Variants in ZC3H4 observed in about 807,000 individuals in gnomAD.
ZC3H4 encodes the protein zinc finger CCCH-type containing 4.
A neutral mutation model predicts 108.3 loss-of-function variants in ZC3H4; 13 were observed. The observed-to-expected ratio is 0.12, with a 90% CI of 0.08 to 0.19. The LOEUF (loss-of-function observed/expected upper bound fraction) is 0.19. Among genes scored for constraint, ZC3H4 ranks in the 10% least tolerant of loss-of-function variants. The pLI is 1.00. For missense variants in ZC3H4, 1,734 were observed against 1,838.8 expected (o/e 0.94, Z 1.04); for synonymous variants, 917 against 749.6 (o/e 1.22, Z -3.65).
chr19:47,066,521 G>A lies in ZC3H4; in HGVS notation c.3747C>T (p.Asn1249=), dbSNP rs1401321322. ...EGAPPQPGVH[N]LPVPTLFGTV... ...TCCCGAAGAGGGTGGGCACGGGCAG[G>A]TTGTGCACCCCGGGCTGGGGTGGGG... The change falls in exon 15 of 15, where the codon AAC becomes AAT. Residue 1249 remains asparagine, a synonymous_variant. Coordinates refer to ENST00000253048, the MANE Select transcript of ZC3H4 (RefSeq NM_015168.2). The A allele has an allele frequency of 3.8e-6, 6 of 1,573,082 alleles. No homozygotes were observed. The highest frequency in any genetic ancestry group is 1.8e-5 in the Admixed American group (1 of 56,870).
At chr19:47,081,899 A>G (rs2057530446) in intron 10 of ZC3H4, among the ~76,000 whole-genome samples, 2 of 152,184 alleles carry the variant, frequency 1.3e-5, no homozygotes, top group South Asian at 4.1e-4. Flanking sequence ...GACTCACCCA[A>G]GGTATAAAAC....
chr19:47,103,634 A>C (rs2057930733), intron 2 of ZC3H4, among the ~76,000 whole-genome samples: 1 of 152,072 alleles, frequency 6.6e-6, no homozygotes, highest in Non-Finnish European at 1.5e-5. Context: ...AAATATAAAA[A>C]TCAGCCCGTT....
chr19:47,081,551 C>T lies in ZC3H4; in HGVS notation c.1402G>A (p.Asp468Asn), dbSNP rs1283103416. The change falls in exon 11 of 15, where the codon GAC becomes AAC. Residue 468 changes from aspartate to asparagine, a missense_variant. Transcript: ENST00000253048. ...INGDDCMFSH[D>N]PLTEETRELL... Reference sequence around the variant, plus strand: ...TCCCTCGTCTCTTCGGTCAGAGGGTCGTGGGAAAACATGCAGTCGTCACCA... The same window carrying T: ...TCCCTCGTCTCTTCGGTCAGAGGGTTGTGGGAAAACATGCAGTCGTCACCA... 4 of 1,614,166 alleles carry T rather than the reference C, an allele frequency of 2.5e-6. No individual in the cohort carries two copies. Among genetic ancestry groups the T allele is most frequent in the African/African-American group, 1.3e-5 (1 of 75,044 alleles).
intron 6 of ZC3H4, among the ~76,000 whole-genome samples, chr19:47,086,125 C>T (rs1393417295): frequency 6.6e-6 from 1 of 152,186 alleles, no homozygotes; most frequent in African/African-American, 2.4e-5. Flanking sequence ...CCTCAGGCTC[C>T]CAAAGTACTG....
At chr19:47,109,874 G>C (rs551980947) in intron 2 of ZC3H4, among the ~76,000 whole-genome samples, 1 of 152,282 alleles carries the variant, frequency 6.6e-6, no homozygotes, top group South Asian at 2.1e-4. Flanking sequence ...ACTTATGCTT[G>C]TAAAACACAT....
At position 47,094,050 on chromosome 19, in the gene ZC3H4, C is replaced by T. The variant is rs2057781600; in HGVS notation, c.412G>A (p.Asp138Asn). 1 of 1,614,150 alleles carries T rather than the reference C, an allele frequency of 6.2e-7. No individual in the cohort carries two copies. The highest frequency in any genetic ancestry group is 8.5e-7 in the Non-Finnish European group (1 of 1,180,024). The change falls in exon 4 of 15, where the codon GAC becomes AAC. Residue 138 changes from aspartate to asparagine, a missense_variant. Physicochemically the swap from Asp to Asn is conservative, Grantham distance 23. Transcript: ENST00000253048. ...RHASSSDDFS[D>N]FSDDSDFSPS... ...CTGAAATCCGAGTCATCTGAGAAGT[C>T]AGAGAAGTCATCGCTAGAAGAAGCA...
At chr19:47,079,353 A>C (rs2057479486) in intron 11 of ZC3H4, among the ~76,000 whole-genome samples, 1 of 151,866 alleles carries the variant, frequency 6.6e-6, no homozygotes, top group Non-Finnish European at 1.5e-5. Context: ...AAAAGAAAAA[A>C]AAAGTAATTT....
chr19:47,066,810 G>A lies in ZC3H4; in HGVS notation c.3458C>T (p.Thr1153Ile). ...TGTGGCTTTGCCCCCCGCGTTGGGA[G>A]TCCTCGGGTCGTAGAGGCTGATACC... ...LSGISLYDPR[T>I]PNAGGKATEP... The change falls in exon 15 of 15, where the codon ACT becomes ATT. Residue 1153 changes from threonine to isoleucine, a missense_variant. Physicochemically the swap from Thr to Ile is moderately conservative, Grantham distance 89. Coordinates refer to ENST00000253048, the MANE Select transcript of ZC3H4 (RefSeq NM_015168.2). 1.2e-6 allele frequency: 2 copies of A among 1,600,382 alleles called. No homozygotes were observed. Among genetic ancestry groups the A allele is most frequent in the South Asian group, 2.2e-5 (2 of 90,548 alleles).
intron 9 of ZC3H4, among the ~76,000 whole-genome samples, chr19:47,082,663 C>A (rs2057545188): frequency 6.6e-6 from 1 of 152,102 alleles, no homozygotes; most frequent in South Asian, 2.1e-4. Context: ...TCCTCCCAGA[C>A]CTTGGATGTG....
chr19:47,080,878 C>T (rs1197045457), intron 11 of ZC3H4, among the ~76,000 whole-genome samples: 1 of 152,046 alleles, frequency 6.6e-6, no homozygotes, highest in Non-Finnish European at 1.5e-5. Flanking sequence ...GGTGATCTGC[C>T]CGCCTCAGAC....
intron 11 of ZC3H4, among the ~76,000 whole-genome samples, chr19:47,081,248 G>C (rs1307365632): frequency 1.3e-5 from 2 of 152,228 alleles, no homozygotes; most frequent in Non-Finnish European, 2.9e-5. Flanking sequence ...TTCATGCTTG[G>C]AGGCCCATCA....
Position 47,094,510 on chromosome 19 carries a change from C to T in ZC3H4, c.260G>A (p.Gly87Glu), listed in dbSNP as rs2057790283. The change falls in exon 3 of 15, where the codon GGG (glycine) becomes GAG (glutamate). Residue 87 changes from glycine to glutamate, a missense_variant. This residue lies in a region of ZC3H4 where 403 missense variants were observed against 457.0 expected (regional missense o/e 0.88). Transcript: ENST00000253048. The part of the protein sequence containing the change: ...GGPERSRKEK[G>E]EKHHSDSDEE... The stretch of plus-strand genomic sequence containing the variant: ...ATCCGAATCACTGTGATGCTTCTCC[C>T]CCTTTTCTTTCCGGCTTCTCTCAGG... 6.2e-7 allele frequency: 1 copy of T among 1,614,246 alleles called. No homozygotes were observed. The highest frequency in any genetic ancestry group is 8.5e-7 in the Non-Finnish European group (1 of 1,180,050).
At chr19:47,078,883 C>T (rs1344893914) in intron 11 of ZC3H4, among the ~76,000 whole-genome samples, 9 of 151,550 alleles carry the variant, frequency 5.9e-5, no homozygotes, top group African/African-American at 1.9e-4. Flanking sequence ...AAAAATTAGC[C>T]GGGTGTGGTG....
At chr19:47,101,564 TAA>T (rs924179757) in intron 2 of ZC3H4, among the ~76,000 whole-genome samples, 2 of 151,634 alleles carry the variant, frequency 1.3e-5, no homozygotes, top group African/African-American at 4.8e-5. Flanking sequence ...TTTTCCATAA[TAA>T]AAAGTTAAGA....
At chr19:47,076,684 T>C (rs1364647693) in intron 11 of ZC3H4, among the ~76,000 whole-genome samples, 1 of 151,760 alleles carries the variant, frequency 6.6e-6, no homozygotes, top group African/African-American at 2.4e-5. Context: ...TGAAACCTTA[T>C]CTCTACTAAA....
chr19:47,112,538 G>A lies in ZC3H4; in HGVS notation c.47C>T (p.Pro16Leu). Reference sequence around the variant, plus strand: ...TGGCGGCGGCGGCGATGGCGGCGGCGGCGACTCTGATGGCGGCGGCGGGGG... The same window carrying A: ...TGGCGGCGGCGGCGATGGCGGCGGCAGCGACTCTGATGGCGGCGGCGGGGG... Reference protein sequence around the residue: ...GTPPPPPSESPPPPSPPPPST... With the variant: ...GTPPPPPSESLPPPSPPPPST... The change falls in exon 2 of 15, where the codon CCG becomes CTG. Residue 16 changes from proline (P) to leucine (L), a missense_variant. Physicochemically the swap from Pro to Leu is moderately conservative, Grantham distance 98. Transcript: ENST00000253048. 4 of 1,061,514 alleles carry A rather than the reference G, an allele frequency of 3.8e-6. No homozygotes were observed. The highest frequency in any genetic ancestry group is 3.2e-5 in the East Asian group (1 of 31,142). The allele number at this position is 1,061,514 out of a possible 1,614,324, so 65.8% of individuals were successfully genotyped here.
rs1464970014 is a variant in ZC3H4 at position 47,064,454 on chromosome 19, A to G, written c.*1902T>C. ...AAAGCTCGGCCTGATGGCAAATGAG[A>G]ATTTCGGGTGAATTCATAGTCCTAT... On this transcript the variant is annotated 3_prime_UTR_variant, in exon 15 of 15. Coordinates refer to ENST00000253048, the MANE Select transcript of ZC3H4 (RefSeq NM_015168.2). 2 of 152,490 alleles carry G rather than the reference A, an allele frequency of 1.3e-5. No homozygotes were observed. The highest frequency in any genetic ancestry group is 6.5e-5 in the Admixed American group (1 of 15,270). The allele number at this position is 152,490 out of a possible 1,614,324, so 9.4% of individuals were successfully genotyped here.
At chr19:47,093,129 T>G (rs961354780) in intron 4 of ZC3H4, among the ~76,000 whole-genome samples, 1 of 141,640 alleles carries the variant, frequency 7.1e-6, no homozygotes, top group African/African-American at 2.7e-5. Context: ...AGCAGAAGAA[T>G]GGTGCGACCC....
chr19:47,072,940 CA>C lies in ZC3H4; in HGVS notation c.1441-228del, dbSNP rs371697823. ...AGGGGGGGCCATTCCTGCTCTATGGCAAAATACACATAACAAAGCATACTGT... is the reference window on the plus strand; with the variant it reads ...AGGGGGGGCCATTCCTGCTCTATGGCAAATACACATAACAAAGCATACTGT... On this transcript the variant is annotated intron_variant, in intron 11 of 14. Coordinates refer to ENST00000253048, the MANE Select transcript of ZC3H4 (RefSeq NM_015168.2). The surrounding 1 kb of genome is among the most constrained non-coding windows in gnomAD (Gnocchi z 5.6). Among the ~76,000 whole-genome samples the C allele has an allele frequency of 6.6e-6, 1 of 152,248 alleles. No individual in the cohort carries two copies. Among genetic ancestry groups the C allele is most frequent in the African/African-American group, 2.4e-5 (1 of 41,538 alleles).
Sources: allele counts gnomAD v4.1 joint callset (sites outside exome capture counted in the v4.1 genomes callset), GRCh38; gene constraint gnomAD v4.1.1; regional missense constraint gnomAD v4.1.1; non-coding constraint Gnocchi (gnomAD v3.1); transcripts MANE v1.5; gene names NCBI Gene and HGNC (gene_info 2026-07-23, HGNC 2026-07-21).